Variants in LAMA2 observed in about 807,000 individuals in gnomAD.
LAMA2 encodes laminin subunit alpha-2.
Under a neutral mutation model 364.8 loss-of-function variants are expected in LAMA2, and 269 were observed. The ratio of observed to expected loss-of-function variants is 0.74; its 90% CI spans 0.67 to 0.82. The LOEUF (loss-of-function observed/expected upper bound fraction) is 0.82, where lower values mean the gene tolerates loss of function less well. Among genes scored for constraint, LAMA2 ranks in the 40% least tolerant of loss-of-function variants. The pLI, the probability that LAMA2 is intolerant of heterozygous loss-of-function variation, is 0.00. For synonymous variants in LAMA2, 1,379 were observed against 1,370.6 expected (o/e 1.01, Z -0.14); for missense variants, 3,807 against 3,873.2 (o/e 0.98, Z 0.45).
At chr6:129,244,993 A>G (rs1246050911) in intron 12 of LAMA2, among the ~76,000 whole-genome samples, 2 of 152,160 alleles carry the variant, frequency 1.3e-5, no homozygotes, top group Non-Finnish European at 2.9e-5. Context: ...GGAAACAGCT[A>G]CTTGTGTTCT....
chr6:129,503,294 G>T lies in LAMA2; in HGVS notation c.8547+14G>T. The T allele has an allele frequency of 1.2e-6, 2 of 1,609,928 alleles. No individual in the cohort carries two copies. The highest frequency in any genetic ancestry group is 1.7e-6 in the Non-Finnish European group (2 of 1,177,410). ...CAGTGGCACAAGGTAATAGTCCCCTGGATATTGGCAGTACCCTAAGGGAAT... is the reference window on the plus strand; with the variant it reads ...CAGTGGCACAAGGTAATAGTCCCCTTGATATTGGCAGTACCCTAAGGGAAT... On this transcript the variant is annotated intron_variant, in intron 60 of 64. Coordinates refer to ENST00000421865, the MANE Select transcript of LAMA2 (RefSeq NM_000426.4).
At chr6:128,904,876 G>C (rs1777323867) in intron 1 of LAMA2, among the ~76,000 whole-genome samples, 1 of 152,158 alleles carries the variant, frequency 6.6e-6, no homozygotes, top group South Asian at 2.1e-4. Context: ...AAAGGAAAAG[G>C]CTGCTGTTGA....
At chr6:128,929,289 C>G in intron 1 of LAMA2, 1 of 1,296,158 alleles carries the variant, frequency 7.7e-7, no homozygotes, top group Non-Finnish European at 1.1e-6. Flanking sequence ...ATGCGGATCC[C>G]TGCCCACATG....
intron 22 of LAMA2, among the ~76,000 whole-genome samples, chr6:129,308,755 C>G (rs1408009065): frequency 6.6e-6 from 1 of 152,136 alleles, no homozygotes; most frequent in Non-Finnish European, 1.5e-5. Flanking sequence ...GGAGGGTGTA[C>G]AGGAAGCATA....
At chr6:129,436,202 C>T (rs967166948) in intron 41 of LAMA2, among the ~76,000 whole-genome samples, 2 of 152,150 alleles carry the variant, frequency 1.3e-5, no homozygotes, top group African/African-American at 4.8e-5. Flanking sequence ...TTGTCCCTCA[C>T]GGCACTATTA....
chr6:129,211,579 C>T (rs542683623), intron 12 of LAMA2, among the ~76,000 whole-genome samples: 14 of 152,282 alleles, frequency 9.2e-5, no homozygotes, highest in East Asian at 5.8e-4. Flanking sequence ...TTAAAATGCC[C>T]GTGGTAAGTG....
At chr6:129,364,910 A>G (rs1197939409) in intron 32 of LAMA2, among the ~76,000 whole-genome samples, 1 of 152,220 alleles carries the variant, frequency 6.6e-6, no homozygotes, top group Non-Finnish European at 1.5e-5. Context: ...GCATCTTCAC[A>G]CAGGCAGAGC....
chr6:128,989,238 G>A (rs1783453974), intron 1 of LAMA2, among the ~76,000 whole-genome samples: 1 of 152,046 alleles, frequency 6.6e-6, no homozygotes, highest in African/African-American at 2.4e-5. Flanking sequence ...GTTCTTAGAA[G>A]TTCAGAAAAA....
chr6:129,231,577 A>G (rs893403266), intron 12 of LAMA2, among the ~76,000 whole-genome samples: 1 of 152,132 alleles, frequency 6.6e-6, no homozygotes, highest in Non-Finnish European at 1.5e-5. Flanking sequence ...CTTCCCTTCC[A>G]TTCATGTTGA....
chr6:128,919,268 G>A (rs745729906), intron 1 of LAMA2, among the ~76,000 whole-genome samples: 21 of 152,284 alleles, frequency 1.4e-4, no homozygotes, highest in Non-Finnish European at 2.9e-4. Flanking sequence ...ACAATCAACT[G>A]TTCTCTCAAT....
At chr6:129,234,948 A>G (rs1434549479) in intron 12 of LAMA2, among the ~76,000 whole-genome samples, 1 of 152,206 alleles carries the variant, frequency 6.6e-6, no homozygotes, top group Admixed American at 6.6e-5. Flanking sequence ...AAATCTAGTA[A>G]ATTAAGTTCA....
intron 1 of LAMA2, among the ~76,000 whole-genome samples, chr6:128,945,671 G>A (rs191151121): frequency 3.9e-5 from 6 of 152,292 alleles, no homozygotes; most frequent in Admixed American, 3.9e-4. Context: ...CTCTGTTTGA[G>A]GACTTTGTGT....
At chr6:129,147,098 A>C (rs1778503635) in intron 6 of LAMA2, 50 bp downstream of exon 6, 1 of 1,165,972 alleles carries the variant, frequency 8.6e-7, no homozygotes, top group Non-Finnish European at 1.3e-6. Flanking sequence ...TGAGCTGTAA[A>C]ATGTTTCATG....
chr6:129,049,386 T>C (rs1316803736), intron 1 of LAMA2, among the ~76,000 whole-genome samples: 6 of 152,154 alleles, frequency 3.9e-5, no homozygotes, highest in Non-Finnish European at 7.4e-5. Flanking sequence ...TGGAAAGCAG[T>C]AAAAATTGGT....
At chr6:129,087,618 G>C (rs1021807215) in intron 3 of LAMA2, among the ~76,000 whole-genome samples, 17 of 152,192 alleles carry the variant, frequency 1.1e-4, no homozygotes, top group South Asian at 4.1e-4. Flanking sequence ...GAAAGGAGAA[G>C]AACAACATAA....
At chr6:129,172,650 G>C (rs1245079255) in intron 9 of LAMA2, among the ~76,000 whole-genome samples, 1 of 152,232 alleles carries the variant, frequency 6.6e-6, no homozygotes, top group African/African-American at 2.4e-5. Context: ...TGCCCCCAGA[G>C]GTGGAGCCTA....
chr6:128,997,152 G>A (rs1784000953), intron 1 of LAMA2, among the ~76,000 whole-genome samples: 1 of 151,834 alleles, frequency 6.6e-6, no homozygotes, highest in Non-Finnish European at 1.5e-5. Context: ...GAGGCAAGGG[G>A]AGGGATAGCA....
chr6:129,453,639 T>C (rs1351349185), intron 46 of LAMA2, among the ~76,000 whole-genome samples: 1 of 152,154 alleles, frequency 6.6e-6, no homozygotes, highest in Non-Finnish European at 1.5e-5. Context: ...TCTAATTTCT[T>C]CCATTTGAAC....
At chr6:128,907,745 A>C (rs994976159) in intron 1 of LAMA2, among the ~76,000 whole-genome samples, 15 of 152,220 alleles carry the variant, frequency 9.9e-5, no homozygotes, top group East Asian at 5.8e-4. Context: ...AGTTTTTGCC[A>C]ATTCAGTATG....
Sources: gnomAD v4.1 joint callset for allele counts (sites outside exome capture counted in the v4.1 genomes callset) on GRCh38, gnomAD v4.1.1 for gene constraint, MANE v1.5 for transcripts, NCBI Gene and HGNC (gene_info 2026-07-23, HGNC 2026-07-21) for gene names.